The following GXYLT1 variants were observed in gnomAD, a reference collection of about 807,000 sequenced individuals.
GXYLT1 encodes glycosyltransferase 8 domain containing 3.
In GXYLT1, 29 loss-of-function variants were observed where a neutral mutation model predicts 54.0. That is an observed-to-expected ratio of 0.54 (90% CI 0.40 to 0.73). GXYLT1 has a LOEUF of 0.73. Ranked by LOEUF, GXYLT1 falls within the 30% of genes least tolerant of loss-of-function variation. The pLI, the probability that GXYLT1 is intolerant of heterozygous loss-of-function variation, is 0.00. For synonymous variants in GXYLT1, 176 were observed against 204.1 expected, an observed-to-expected ratio of 0.86 and a Z score of 1.17; for missense variants, 490 against 553.4, an observed-to-expected ratio of 0.89 and a Z score of 1.15.
intron 7 of GXYLT1, among the ~76,000 whole-genome samples, chr12:42,096,700 G>A (rs1430607973): frequency 6.6e-6 from 1 of 152,152 alleles, no homozygotes; most frequent in African/African-American, 2.4e-5. Flanking sequence ...AATCTTGTAG[G>A]AAAATTTTAA....
intron 7 of GXYLT1, among the ~76,000 whole-genome samples, chr12:42,096,531 T>C (rs1385556860): frequency 5.3e-5 from 8 of 152,178 alleles, no homozygotes; most frequent in Admixed American, 5.2e-4. Context: ...ATACTGATTA[T>C]ATAAACATCA....
chr12:42,142,668 T>C (rs1054951149), intron 1 of GXYLT1, among the ~76,000 whole-genome samples: 8 of 152,138 alleles, frequency 5.3e-5, no homozygotes, highest in African/African-American at 1.9e-4. Context: ...TTCTATGACA[T>C]TTCTATAAAG....
Position 42,087,584 on chromosome 12 carries a change from A to AT in GXYLT1, c.*201dup, listed in dbSNP as rs2065302933. 2.0e-6 allele frequency: 1 copy of AT among 488,554 alleles called. No homozygotes were observed. The highest frequency in any genetic ancestry group is 4.0e-5 in the Admixed American group (1 of 24,868). The allele number at this position is 488,554 out of a possible 1,614,324, so 30.3% of individuals were successfully genotyped here. A position where few individuals can be genotyped will look rare whatever the true frequency, so the allele number is the denominator to read the frequency against. ...CAAGTAACATTACAAAACATCAGAG[A>AT]TAAAAAATGTTCAATGTTGAGGCCC... is the stretch of plus-strand genomic sequence containing the variant. On this transcript the variant is annotated 3_prime_UTR_variant, in exon 8 of 8. Coordinates refer to ENST00000398675, the MANE Select transcript of GXYLT1 (RefSeq NM_173601.2).
intron 2 of GXYLT1, among the ~76,000 whole-genome samples, chr12:42,127,048 AAAT>A (rs2065567125): frequency 6.6e-6 from 1 of 152,188 alleles, no homozygotes; most frequent in Admixed American, 6.5e-5. Flanking sequence ...ATGATCACCC[AAAT>A]AATATTTGAT....
At chr12:42,089,211 G>T (rs1182892629) in intron 7 of GXYLT1, among the ~76,000 whole-genome samples, 1 of 151,918 alleles carries the variant, frequency 6.6e-6, no homozygotes, top group Non-Finnish European at 1.5e-5. Context: ...CAGAGTGCTT[G>T]CTACCTACAT....
intron 2 of GXYLT1, among the ~76,000 whole-genome samples, chr12:42,125,651 C>G (rs925362130): frequency 6.6e-6 from 1 of 152,134 alleles, no homozygotes; most frequent in African/African-American, 2.4e-5. Flanking sequence ...AACAATAATT[C>G]AGAGGTGGGG....
intron 7 of GXYLT1, among the ~76,000 whole-genome samples, chr12:42,095,330 T>C (rs1016067610): frequency 1.3e-5 from 2 of 152,172 alleles, no homozygotes; most frequent in South Asian, 2.1e-4. Context: ...TAACTGTACA[T>C]TGCTGCATTA....
At position 42,098,760 on chromosome 12, in the gene GXYLT1, CATATAT is replaced by C. The variant is rs60199719; in HGVS notation, c.865-733_865-728del. On this transcript the variant is annotated intron_variant, in intron 5 of 7. Coordinates refer to ENST00000398675, the MANE Select transcript of GXYLT1 (RefSeq NM_173601.2). ...TTCATTTATCTTATTAAATTTAAAA[CATATAT>C]ATATATATATATATATATAATACAT... Among the ~76,000 whole-genome samples the C allele has an allele frequency of 4.7e-3, 457 of 96,916 alleles. 15 individuals carry two copies. The highest frequency in any genetic ancestry group is 0.015 in the African/African-American group (391 of 25,804). 63.6% of individuals were successfully genotyped at this position (96,916 alleles called of 152,430 possible). A position where few individuals can be genotyped will look rare whatever the true frequency, so the allele number is the denominator to read the frequency against.
Position 42,144,585 on chromosome 12 carries a change from TA to T in GXYLT1, c.61del (p.Tyr21ThrfsTer37). 6.8e-7 allele frequency: 1 copy of T among 1,472,254 alleles called. No individual in the cohort carries two copies. Among genetic ancestry groups the T allele is most frequent in the Non-Finnish European group, 9.0e-7 (1 of 1,110,412 alleles). The allele number at this position is 1,472,254 out of a possible 1,614,324, so 91.2% of individuals were successfully genotyped here. On this transcript the variant is annotated frameshift_variant, in exon 1 of 8. Transcript: ENST00000398675. LOFTEE classifies it high-confidence loss of function. ...CVACGFCSLL[Y>X]AFSQLAVSLE... ...GGACACGGCGAGCTGGCTGAAAGCG[TA>T]AAGGAGCGAGCAGAAGCCGCAGGCC...
At chr12:42,133,135 AGGTGT>A (rs1299682081) in intron 1 of GXYLT1, among the ~76,000 whole-genome samples, 1 of 152,058 alleles carries the variant, frequency 6.6e-6, no homozygotes, top group Non-Finnish European at 1.5e-5. Context: ...AAAATCAGTC[AGGTGT>A]GGTGGCGGTT....
chr12:42,136,137 A>T (rs1313465305), intron 1 of GXYLT1, among the ~76,000 whole-genome samples: 1 of 152,198 alleles, frequency 6.6e-6, no homozygotes, highest in Non-Finnish European at 1.5e-5. Context: ...CTGGTTTGGG[A>T]GATTTAGATA....
Position 42,083,154 on chromosome 12 carries a change from T to C in GXYLT1, c.*4632A>G, listed in dbSNP as rs1344872212. 6.6e-6 allele frequency: 1 copy of C among 152,180 alleles called. No individual in the cohort carries two copies. Among genetic ancestry groups the C allele is most frequent in the Non-Finnish European group, 1.5e-5 (1 of 68,026 alleles). The allele number at this position is 152,180 out of a possible 1,614,324, so 9.4% of individuals were successfully genotyped here. A position where few individuals can be genotyped will look rare whatever the true frequency, so the allele number is the denominator to read the frequency against. On this transcript the variant is annotated 3_prime_UTR_variant, in exon 8 of 8. Transcript: ENST00000398675. ...TCTGTTTTTCTCATGAGTCTTTAAT[T>C]GCTGGATATTTGAATAACACATTAA...
chr12:42,112,694 G>A (rs1380606757), intron 3 of GXYLT1, among the ~76,000 whole-genome samples: 1 of 152,130 alleles, frequency 6.6e-6, no homozygotes, highest in African/African-American at 2.4e-5. Context: ...CGGAGAGAAT[G>A]GAACCAAGTT....
rs1056834151 is a variant in GXYLT1, at chr12:42,085,631, G to A, written c.*2155C>T. 1 of 152,164 alleles carries A rather than the reference G, an allele frequency of 6.6e-6. No individual in the cohort carries two copies. 9.4% of individuals were successfully genotyped at this position (152,164 alleles called of 1,614,324 possible). Reference sequence around the variant, plus strand: ...GTAGCTAACATCAAAGTCATCTGAGGTGATTGTTAAAAACGAAATCATCAT... The same window carrying A: ...GTAGCTAACATCAAAGTCATCTGAGATGATTGTTAAAAACGAAATCATCAT... On this transcript the variant is annotated 3_prime_UTR_variant, in exon 8 of 8. Transcript: ENST00000398675.
chr12:42,115,900 C>A (rs2065491416), intron 3 of GXYLT1, among the ~76,000 whole-genome samples: 1 of 123,560 alleles, frequency 8.1e-6, no homozygotes, highest in Non-Finnish European at 1.8e-5. Flanking sequence ...CTACAATAAC[C>A]AAAACAGCAT....
At chr12:42,092,107 C>A (rs1380799919) in intron 7 of GXYLT1, among the ~76,000 whole-genome samples, 1 of 152,220 alleles carries the variant, frequency 6.6e-6, no homozygotes, top group Admixed American at 6.5e-5. Flanking sequence ...AGTTCTAGAA[C>A]AATCTCTGTC....
At chr12:42,142,557 G>A (rs2065657812) in intron 1 of GXYLT1, among the ~76,000 whole-genome samples, 1 of 151,826 alleles carries the variant, frequency 6.6e-6, no homozygotes, top group Admixed American at 6.6e-5. Flanking sequence ...CGAGGCTGGT[G>A]TCAAACTCCT....
intron 2 of GXYLT1, among the ~76,000 whole-genome samples, chr12:42,121,620 T>A (rs1011526807): frequency 2.0e-5 from 3 of 151,508 alleles, no homozygotes; most frequent in Non-Finnish European, 4.4e-5. Flanking sequence ...TGCTGGGCGA[T>A]GTCTTAAATA....
At chr12:42,137,706 G>A (rs563684032) in intron 1 of GXYLT1, among the ~76,000 whole-genome samples, 1 of 130,698 alleles carries the variant, frequency 7.7e-6, no homozygotes, top group African/African-American at 3.0e-5. Flanking sequence ...GCCTTGAGCC[G>A]AGATCATGCC....
Sources: gnomAD v4.1 joint callset for allele counts (sites outside exome capture counted in the v4.1 genomes callset) on GRCh38, gnomAD v4.1.1 for gene constraint, MANE v1.5 for transcripts, NCBI Gene and HGNC (gene_info 2026-07-23, HGNC 2026-07-21) for gene names.